Variants in PDCD6 observed in about 807,000 individuals in gnomAD.
PDCD6 encodes the protein programmed cell death protein 6.
PDCD6 carries 12 observed loss-of-function variants against 28.3 expected under a neutral mutation model. The observed-to-expected ratio is 0.42, with a 90% CI of 0.27 to 0.69. The LOEUF (loss-of-function observed/expected upper bound fraction) is 0.69. Ranked by LOEUF, PDCD6 falls within the 30% of genes least tolerant of loss-of-function variation. The probability of loss-of-function intolerance (pLI) is 0.22; values close to 1 mark genes in which losing one functional copy is unlikely to be tolerated. For synonymous variants in PDCD6, 92 were observed against 108.0 expected, an observed-to-expected ratio of 0.85 and a Z score of 0.92; for missense variants, 226 against 269.9, an observed-to-expected ratio of 0.84 and a Z score of 1.14.
In PDCD6 at chr5:271,891, C is replaced by G. The variant is rs531795350; in HGVS notation, c.101+70C>G. 9.9e-4 allele frequency: 788 copies of G among 796,756 alleles called. 2 individuals are homozygous for G. Among genetic ancestry groups the G allele is most frequent in the Non-Finnish European group, 1.3e-3 (728 of 557,212 alleles). The allele number at this position is 796,756 out of a possible 1,614,324, so 49.4% of individuals were successfully genotyped here. Reference sequence around the variant, plus strand: ...GGCCCCGACCCCTGTCCCGACTCCCCCGACCAACCCCGTTCCCTGCCGGTT... The same window carrying G: ...GGCCCCGACCCCTGTCCCGACTCCCGCGACCAACCCCGTTCCCTGCCGGTT... On this transcript the variant is annotated intron_variant, in intron 1 of 5. Coordinates refer to ENST00000264933, the MANE Select transcript of PDCD6 (RefSeq NM_013232.4).
chr5:273,781 A>C (rs1303238552), intron 2 of PDCD6, among the ~76,000 whole-genome samples: 1 of 152,192 alleles, frequency 6.6e-6, no homozygotes, highest in Admixed American at 6.5e-5. Flanking sequence ...TTACGACATC[A>C]GTTCCTAATA....
At chr5:306,455 T>A (rs1740490509) in intron 3 of PDCD6, 147 bp from the exon 4 acceptor site, 1 of 693,114 alleles carries the variant, frequency 1.4e-6, no homozygotes, top group Non-Finnish European at 2.5e-6. Context: ...TTCACCCCAT[T>A]CACAGACAGG....
chr5:306,820 A>C (rs1056593957), intron 4 of PDCD6, 60 bp downstream of exon 4: 1 of 1,542,058 alleles, frequency 6.5e-7, no homozygotes, highest in Non-Finnish European at 9.0e-7. Flanking sequence ...GAGCCGTTGA[A>C]GTTCTTTAAA....
rs1455834248 is a variant in PDCD6 at position 273,934 on chromosome 5, CG to C, written c.163+1163del. Among the ~76,000 whole-genome samples, 18 of 76,210 alleles carry C rather than the reference CG, an allele frequency of 2.4e-4. 1 individual carries two copies. The highest frequency in any genetic ancestry group is 8.2e-4 in the African/African-American group (15 of 18,218). 50.0% of individuals were successfully genotyped at this position (76,210 alleles called of 152,430 possible). ...TCTCTTTTCATTATTCTTAAATCCTCGTTTTTTTTTTTTTTATTTGCATCTC... is the reference window on the plus strand; with the variant it reads ...TCTCTTTTCATTATTCTTAAATCCTCTTTTTTTTTTTTTTATTTGCATCTC... On this transcript the variant is annotated intron_variant, in intron 2 of 5. Coordinates refer to ENST00000264933, the MANE Select transcript of PDCD6 (RefSeq NM_013232.4).
At chr5:278,261 C>T (rs1034954904) in intron 2 of PDCD6, among the ~76,000 whole-genome samples, 22 of 152,126 alleles carry the variant, frequency 1.4e-4, no homozygotes, top group Admixed American at 3.9e-4. Flanking sequence ...ATTTAGAACA[C>T]ACCATTCATG....
At chr5:297,335 G>A (rs1365235257) in intron 2 of PDCD6, among the ~76,000 whole-genome samples, 3 of 152,154 alleles carry the variant, frequency 2.0e-5, no homozygotes, top group Middle Eastern at 3.2e-3. Flanking sequence ...TGCTTCTTCC[G>A]TTACCCTTAA....
At chr5:275,074 T>A (rs1367192427) in intron 2 of PDCD6, among the ~76,000 whole-genome samples, 1 of 152,054 alleles carries the variant, frequency 6.6e-6, no homozygotes, top group South Asian at 2.1e-4. Flanking sequence ...CTGCCTTTCA[T>A]CTCTGTGGGA....
At chr5:302,599 GC>G (rs1740168511) in intron 2 of PDCD6, among the ~76,000 whole-genome samples, 1 of 147,772 alleles carries the variant, frequency 6.8e-6, no homozygotes, top group Admixed American at 6.7e-5. Flanking sequence ...ATCGAGTGCT[GC>G]TCTGTGTGTA....
rs4472298 is a variant in PDCD6 at position 290,901 on chromosome 5, C to T, written c.164-13276C>T. 3.0e-3 allele frequency among the ~76,000 whole-genome samples: 459 copies of T among 152,300 alleles called. 1 individual carries two copies. The highest frequency in any genetic ancestry group is 0.011 in the African/African-American group (438 of 41,546). On this transcript the variant is annotated intron_variant, in intron 2 of 5. Coordinates refer to ENST00000264933, the MANE Select transcript of PDCD6 (RefSeq NM_013232.4). ...ATGTTCCTTCCTGATGTTCATCTGC[C>T]ACCTTGCTATTGAATGCATCTTGTT...
At chr5:271,969 C>T in intron 1 of PDCD6, 148 bp downstream of exon 1, 1 of 426,832 alleles carries the variant, frequency 2.3e-6, no homozygotes. Context: ...CCCTCCCGTC[C>T]CCTGCCGCCG....
chr5:304,572 A>G (rs1740345508), intron 3 of PDCD6: 1 of 158,228 alleles, frequency 6.3e-6, no homozygotes, highest in Non-Finnish European at 1.4e-5. Context: ...TTGTGATTCC[A>G]TTCTTTATTC....
intron 2 of PDCD6, among the ~76,000 whole-genome samples, chr5:288,311 T>TATAC (rs34574011): frequency 0.38 from 55,073 of 144,778 alleles, 10,641 homozygotes; most frequent in South Asian, 0.42. Flanking sequence ...TATATATATA[T>TATAC]ACACATATGT....
Position 306,585 on chromosome 5 carries a change from G to A in PDCD6, c.209-17G>A, listed in dbSNP as rs144813007. 307 of 1,610,772 alleles carry A rather than the reference G, an allele frequency of 1.9e-4. No individual in the cohort carries two copies. In the African/African-American group the frequency reaches 3.1e-3, roughly 16 times the overall value. ...GCAACTGATCTTTTGCTGCTTGACC[G>A]TTCCTCTCTGTCTCAGCCATGTTTG... is the stretch of plus-strand genomic sequence containing the variant. On this transcript the variant is annotated splice_polypyrimidine_tract_variant and intron_variant, in intron 3 of 5. Coordinates refer to ENST00000264933, the MANE Select transcript of PDCD6 (RefSeq NM_013232.4).
Position 304,063 on chromosome 5 carries a change from C to G in PDCD6, c.164-114C>G, listed in dbSNP as rs547768810. ...CACGTCACCTGGAGTGTCTAGAAAACCACTACCTTAGAGCCCCCACTGCTT... is the reference window on the plus strand; with the variant it reads ...CACGTCACCTGGAGTGTCTAGAAAAGCACTACCTTAGAGCCCCCACTGCTT... On this transcript the variant is annotated intron_variant, in intron 2 of 5. Coordinates refer to ENST00000264933, the MANE Select transcript of PDCD6 (RefSeq NM_013232.4). The G allele has an allele frequency of 2.3e-5, 34 of 1,493,918 alleles. 3 individuals are homozygous for G. The African/African-American group carries it at 5.0e-4, about 22-fold the overall frequency. 92.5% of individuals were successfully genotyped at this position (1,493,918 alleles called of 1,614,324 possible). A position where few individuals can be genotyped will look rare whatever the true frequency, so the allele number is the denominator to read the frequency against.
chr5:296,104 A>T (rs6881576), intron 2 of PDCD6, among the ~76,000 whole-genome samples: 14,569 of 152,154 alleles, frequency 0.096, 985 homozygotes, highest in Non-Finnish European at 0.13. Flanking sequence ...CTAAGAAAGG[A>T]ACTCAAATAA....
intron 2 of PDCD6, among the ~76,000 whole-genome samples, chr5:275,231 G>C (rs1252517317): frequency 6.6e-6 from 1 of 152,162 alleles, no homozygotes; most frequent in Non-Finnish European, 1.5e-5. Flanking sequence ...GACCAGCCTG[G>C]GCGACACTGT....
chr5:287,842 C>G (rs184823216), intron 2 of PDCD6, among the ~76,000 whole-genome samples: 2 of 152,240 alleles, frequency 1.3e-5, no homozygotes, highest in East Asian at 3.9e-4. Context: ...CTTGCATACT[C>G]TAGAATAATT....
intron 2 of PDCD6, among the ~76,000 whole-genome samples, chr5:297,104 A>C (rs1739669300): frequency 6.6e-6 from 1 of 152,130 alleles, no homozygotes; most frequent in Non-Finnish European, 1.5e-5. Context: ...CTCCCAGATG[A>C]ATGAAGCATG....
chr5:298,109 G>A (rs560913612), intron 2 of PDCD6, among the ~76,000 whole-genome samples: 3 of 152,100 alleles, frequency 2.0e-5, no homozygotes, highest in African/African-American at 7.2e-5. Context: ...CAGGCACACA[G>A]AACTGACCCA....
Sources: allele counts gnomAD v4.1 joint callset (sites outside exome capture counted in the v4.1 genomes callset), GRCh38; gene constraint gnomAD v4.1.1; transcripts MANE v1.5; gene names NCBI Gene and HGNC (gene_info 2026-07-23, HGNC 2026-07-21).